The following ANKRD45 variants were observed in gnomAD, a reference collection of about 807,000 sequenced individuals.
The protein encoded by ANKRD45 is ankyrin repeat domain-containing protein 45.
A neutral mutation model predicts 28.1 loss-of-function variants in ANKRD45; 21 were observed. That is an observed-to-expected ratio of 0.75 (90% CI 0.53 to 1.08). The LOEUF is 1.08. ANKRD45 is among the 50% of genes least tolerant of loss of function. ANKRD45 has a pLI of 0.00. For missense variants in ANKRD45, 261 were observed against 308.7 expected, an observed-to-expected ratio of 0.85 and a Z score of 1.16; for synonymous variants, 86 against 103.9, an observed-to-expected ratio of 0.83 and a Z score of 1.05.
the ANKRD45 span, among the ~76,000 whole-genome samples, chr1:173,676,852 A>T: frequency 1.3e-5 from 2 of 151,072 alleles, no homozygotes; most frequent in Non-Finnish European, 3.0e-5. Flanking sequence ...AAAAAAAAAA[A>T]AGAATTATAG....
intron 3 of ANKRD45, among the ~76,000 whole-genome samples, chr1:173,644,587 T>A (rs953398857): frequency 6.6e-6 from 1 of 152,166 alleles, no homozygotes. Flanking sequence ...AGGAAGCCAA[T>A]AATACCTCAC....
intron 1 of ANKRD45, among the ~76,000 whole-genome samples, chr1:173,665,866 T>A (rs1669994566): frequency 6.7e-6 from 1 of 150,372 alleles, no homozygotes; most frequent in South Asian, 2.1e-4. Context: ...GAAAAAAAAA[T>A]AGCTGAGCAT....
rs1667073695 is a variant in ANKRD45, at chr1:173,610,038, C to G, written c.*107G>C. The stretch of plus-strand genomic sequence containing the variant: ...AAAACAAGGGCGATGTAATGTTGTA[C>G]TTAAATACTTAAAGAAACCCACATC... On this transcript the variant is annotated 3_prime_UTR_variant, in exon 6 of 6. Coordinates refer to ENST00000333279, the MANE Select transcript of ANKRD45 (RefSeq NM_198493.3). 2 of 1,161,894 alleles carry G rather than the reference C, an allele frequency of 1.7e-6. No homozygotes were observed. The highest frequency in any genetic ancestry group is 2.5e-6 in the Non-Finnish European group (2 of 787,464). The allele number at this position is 1,161,894 out of a possible 1,614,324, so 72.0% of individuals were successfully genotyped here. A position where few individuals can be genotyped will look rare whatever the true frequency, so the allele number is the denominator to read the frequency against.
the ANKRD45 span, among the ~76,000 whole-genome samples, chr1:173,706,301 CAAAAA>C: frequency 1.1e-5 from 1 of 93,576 alleles, no homozygotes; most frequent in African/African-American, 3.8e-5. Context: ...GATTCCGTCT[CAAAAA>C]AAAAAAAAAA....
At chr1:173,686,697 G>C in the ANKRD45 span, among the ~76,000 whole-genome samples, 9,657 of 152,092 alleles carry the variant, frequency 0.063, 1,013 homozygotes, top group African/African-American at 0.22. Flanking sequence ...TATAGTCCTT[G>C]GTGCCTTCTT....
chr1:173,640,413 C>T (rs1668649000), intron 3 of ANKRD45, among the ~76,000 whole-genome samples: 1 of 151,978 alleles, frequency 6.6e-6, no homozygotes, highest in African/African-American at 2.4e-5. Context: ...GCCGTCCGCA[C>T]AGCTGAGAAA....
chr1:173,638,821 C>T (rs113372187), intron 3 of ANKRD45, among the ~76,000 whole-genome samples: 1,625 of 152,198 alleles, frequency 0.011, 32 homozygotes, highest in African/African-American at 0.036. Context: ...CTCAACCCAG[C>T]GGGTTTCTTG....
intron 3 of ANKRD45, among the ~76,000 whole-genome samples, chr1:173,630,803 G>C (rs1668154683): frequency 8.7e-5 from 9 of 103,670 alleles, no homozygotes. Context: ...CTGGGTGACA[G>C]AGTAAGACTC....
chr1:173,673,630 A>G (rs1020116515), upstream of ANKRD45, among the ~76,000 whole-genome samples: 3 of 152,130 alleles, frequency 2.0e-5, no homozygotes, highest in Non-Finnish European at 4.4e-5. Flanking sequence ...TAAGAAAGTG[A>G]TATTATTCTT....
At chr1:173,691,219 G>T in the ANKRD45 span, among the ~76,000 whole-genome samples, 1 of 152,112 alleles carries the variant, frequency 6.6e-6, no homozygotes, top group South Asian at 2.1e-4. Context: ...TTTAAGCTAG[G>T]TTGCTGGCCA....
chr1:173,691,592 T>C, the ANKRD45 span, among the ~76,000 whole-genome samples: 6 of 152,270 alleles, frequency 3.9e-5, no homozygotes, highest in African/African-American at 1.4e-4. Flanking sequence ...GAGACCATCC[T>C]GGCTAACACG....
At chr1:173,645,043 T>C (rs1668864241) in intron 3 of ANKRD45, among the ~76,000 whole-genome samples, 1 of 151,990 alleles carries the variant, frequency 6.6e-6, no homozygotes, top group Admixed American at 6.6e-5. Flanking sequence ...AAAATTACTA[T>C]TCATGGGGGG....
At chr1:173,665,316 T>C (rs57592568) in intron 1 of ANKRD45, among the ~76,000 whole-genome samples, 64,620 of 152,060 alleles carry the variant, frequency 0.42, 17,306 homozygotes, top group African/African-American at 0.75. Context: ...GCTAGGACTA[T>C]AGGCCCATGC....
intron 2 of ANKRD45, among the ~76,000 whole-genome samples, chr1:173,655,064 G>A (rs546234383): frequency 6.6e-6 from 1 of 152,266 alleles, no homozygotes; most frequent in Non-Finnish European, 1.5e-5. Flanking sequence ...GCTCAGAGAA[G>A]TTTGTTTTTA....
At chr1:173,709,289 A>G in the ANKRD45 span, among the ~76,000 whole-genome samples, 1 of 152,310 alleles carries the variant, frequency 6.6e-6, no homozygotes, top group South Asian at 2.1e-4. Context: ...TGAGACCTTC[A>G]GTTCCTCTCT....
Position 173,624,797 on chromosome 1 carries a change from C to A in ANKRD45, c.720G>T (p.Met240Ile), listed in dbSNP as rs760526648. 1.2e-6 allele frequency: 2 copies of A among 1,613,162 alleles called. No homozygotes were observed. Among genetic ancestry groups the A allele is most frequent in the Non-Finnish European group, 1.7e-6 (2 of 1,179,638 alleles). ...EDIVTPIFTK[M>I]TTPCQVKSAK... ...TTATCCAAAACTTACATGGTGTAGTCATTTTTGTGAAGATAGGAGTCACAA... is the reference window on the plus strand; with the variant it reads ...TTATCCAAAACTTACATGGTGTAGTAATTTTTGTGAAGATAGGAGTCACAA... Residue 240 changes from methionine (M) to isoleucine (I), a missense_variant, in exon 5 of 6, where the codon ATG becomes ATT. Coordinates refer to ENST00000333279, the MANE Select transcript of ANKRD45 (RefSeq NM_198493.3).
intron 1 of ANKRD45, among the ~76,000 whole-genome samples, chr1:173,667,234 G>A (rs960667805): frequency 3.9e-5 from 6 of 152,126 alleles, no homozygotes; most frequent in Admixed American, 3.9e-4. Flanking sequence ...TTGAATGACT[G>A]CTTTTCTTCT....
intron 2 of ANKRD45, among the ~76,000 whole-genome samples, chr1:173,656,987 A>C (rs1669549808): frequency 6.9e-6 from 1 of 145,688 alleles, no homozygotes; most frequent in Non-Finnish European, 1.5e-5. Flanking sequence ...GGAGGTAGGG[A>C]GGCTTGTCTC....
chr1:173,645,128 A>T (rs1345970843), intron 3 of ANKRD45, among the ~76,000 whole-genome samples: 1 of 152,248 alleles, frequency 6.6e-6, no homozygotes, highest in African/African-American at 2.4e-5. Context: ...AGATATTGAC[A>T]TAAGATTGCT....
Sources: allele counts gnomAD v4.1 joint callset (sites outside exome capture counted in the v4.1 genomes callset), GRCh38; gene constraint gnomAD v4.1.1; transcripts MANE v1.5; gene names NCBI Gene and HGNC (gene_info 2026-07-23, HGNC 2026-07-21).